Variants in NRTN observed in about 807,000 individuals in gnomAD.
NRTN encodes neurturin.
In NRTN, 3 loss-of-function variants were observed where a neutral mutation model predicts 7.5. The observed-to-expected ratio is 0.40, with a 90% CI of 0.18 to 1.03. The LOEUF (loss-of-function observed/expected upper bound fraction) is 1.03, where lower values mean the gene tolerates loss of function less well. Among genes scored for constraint, NRTN ranks in the 50% least tolerant of loss-of-function variants. The pLI, the probability that NRTN is intolerant of heterozygous loss-of-function variation, is 0.34. For missense variants in NRTN, 310 were observed against 307.0 expected, an observed-to-expected ratio of 1.01 and a Z score of -0.07; for synonymous variants, 157 against 146.6, an observed-to-expected ratio of 1.07 and a Z score of -0.51.
At chr19:5,808,122 C>T (rs1348946934) in intron 1 of NRTN, among the ~76,000 whole-genome samples, 1 of 152,102 alleles carries the variant, frequency 6.6e-6, no homozygotes, top group East Asian at 1.9e-4. Flanking sequence ...ACCTGTTTCC[C>T]GGGAAACTGA....
intron 1 of NRTN, among the ~76,000 whole-genome samples, chr19:5,822,334 G>A (rs939527281): frequency 3.9e-5 from 6 of 152,322 alleles, no homozygotes; most frequent in Non-Finnish European, 5.9e-5. Flanking sequence ...GTGCTGACCC[G>A]CATCCAGCCC....
intron 1 of NRTN, among the ~76,000 whole-genome samples, chr19:5,818,922 G>A (rs1160180626): frequency 2.0e-5 from 3 of 152,124 alleles, no homozygotes; most frequent in African/African-American, 7.2e-5. Context: ...AGCTCTAGGT[G>A]GGGAGAGTCT....
chr19:5,824,417 G>A, intron 2 of NRTN, 83 bp downstream of exon 2: 1 of 1,497,852 alleles, frequency 6.7e-7, no homozygotes, highest in Non-Finnish European at 9.0e-7. Flanking sequence ...GTGGTGGGGG[G>A]GTGTCATAGG....
At chr19:5,824,444 C>T in intron 2 of NRTN, 110 bp downstream of exon 2, 7 of 1,346,460 alleles carry the variant, frequency 5.2e-6, no homozygotes, top group Non-Finnish European at 6.2e-6. Context: ...AAAGATAGGG[C>T]CAGCCAGCCC....
At position 5,827,760 on chromosome 19, in the gene NRTN, C is replaced by A. The variant is rs865827704; in HGVS notation, c.181C>A (p.Leu61Met). Residue 61 changes from leucine to methionine, a missense_variant, in exon 3 of 3, where the codon CTG becomes ATG. Transcript: ENST00000303212. ...IARLAQYRAL[L>M]QGAPDAMELR... Reference sequence around the variant, plus strand: ...TCCTCCCCTCGCAGACCGTGCACTCCTGCAGGGGGCCCCGGATGCGATGGA... The same window carrying A: ...TCCTCCCCTCGCAGACCGTGCACTCATGCAGGGGGCCCCGGATGCGATGGA... 8 of 1,225,796 alleles carry A rather than the reference C, an allele frequency of 6.5e-6. No homozygotes were observed. The highest frequency in any genetic ancestry group is 8.2e-6 in the Non-Finnish European group (8 of 981,196). The allele number at this position is 1,225,796 out of a possible 1,614,324, so 75.9% of individuals were successfully genotyped here. A position where few individuals can be genotyped will look rare whatever the true frequency, so the allele number is the denominator to read the frequency against.
chr19:5,821,863 G>A (rs994836203), intron 1 of NRTN, among the ~76,000 whole-genome samples: 1 of 152,138 alleles, frequency 6.6e-6, no homozygotes, highest in Non-Finnish European at 1.5e-5. Flanking sequence ...TGAGTTCTCA[G>A]GGTGACTACA....
At chr19:5,809,050 C>T (rs374706669) in intron 1 of NRTN, among the ~76,000 whole-genome samples, 53 of 151,870 alleles carry the variant, frequency 3.5e-4, no homozygotes, top group Admixed American at 5.9e-4. Flanking sequence ...CCACTGCGCC[C>T]GTCCAATGGT....
At position 5,806,622 on chromosome 19, in the gene NRTN, C is replaced by T. The variant is rs116329135; in HGVS notation, c.-399+1171C>T. Among the ~76,000 whole-genome samples the T allele has an allele frequency of 1.9e-3, 285 of 152,228 alleles. 1 individual carries two copies. The highest frequency in any genetic ancestry group is 6.7e-3 in the African/African-American group (277 of 41,512). ...TTCTTGCCTTGGGGCCCTTTGGACA[C>T]CCCTCCCTCCTCCCTTCATCCTAAG... On this transcript the variant is annotated intron_variant, in intron 1 of 2. Coordinates refer to ENST00000303212, the MANE Select transcript of NRTN (RefSeq NM_004558.5). The surrounding 1 kb of genome is among the most constrained non-coding windows in gnomAD (Gnocchi z 5.4).
rs1293929412 is a variant in NRTN at position 5,805,201 on chromosome 19, C to A, written c.-649C>A. On this transcript the variant is annotated 5_prime_UTR_variant, in exon 1 of 3. Transcript: ENST00000303212. The stretch of plus-strand genomic sequence containing the variant: ...CCCCCGCGCCCCGCGCCCTCTGAGC[C>A]GCCGGCCGTCCAGGGCACCCACCCC... 6.8e-6 allele frequency among the ~76,000 whole-genome samples: 1 copy of A among 146,432 alleles called. No homozygotes were observed. Among genetic ancestry groups the A allele is most frequent in the Admixed American group, 6.8e-5 (1 of 14,748 alleles).
chr19:5,821,296 T>TA (rs2057023808), intron 1 of NRTN, among the ~76,000 whole-genome samples: 1 of 31,534 alleles, frequency 3.2e-5, no homozygotes, highest in African/African-American at 3.3e-4. Flanking sequence ...GTGCCTAGCT[T>TA]TTTTTTTTTT....
chr19:5,827,895 C>A lies in NRTN; in HGVS notation c.316C>A (p.Arg106Ser), dbSNP rs1391919514. 7.2e-7 allele frequency: 1 copy of A among 1,396,552 alleles called. No homozygotes were observed. The highest frequency in any genetic ancestry group is 9.3e-7 in the Non-Finnish European group (1 of 1,072,068). The allele number at this position is 1,396,552 out of a possible 1,614,324, so 86.5% of individuals were successfully genotyped here. ...ARLGARPCGLRELEVRVSELG... is the reference protein window; with the variant it reads ...ARLGARPCGLSELEVRVSELG... ...GTTGGGGGCGCGGCCTTGCGGGCTGCGCGAGCTGGAGGTGCGCGTGAGCGA... is the reference window on the plus strand; with the variant it reads ...GTTGGGGGCGCGGCCTTGCGGGCTGAGCGAGCTGGAGGTGCGCGTGAGCGA... Residue 106 changes from arginine (R) to serine (S), a missense_variant, in exon 3 of 3, where the codon CGC (arginine) becomes AGC (serine). Arg to Ser is a moderately radical substitution (Grantham distance 110). Transcript: ENST00000303212.
In NRTN at chr19:5,825,967, T is replaced by C. The variant is rs1408129398; in HGVS notation, c.169+1633T>C. ...GGCTAACACTGTGAAACCCTGTCTCTACTAAAATTACAAAAAAATTAGCCG... is the reference window on the plus strand; with the variant it reads ...GGCTAACACTGTGAAACCCTGTCTCCACTAAAATTACAAAAAAATTAGCCG... On this transcript the variant is annotated intron_variant, in intron 2 of 2. Transcript: ENST00000303212. Among the ~76,000 whole-genome samples, 4 of 152,242 alleles carry C rather than the reference T, an allele frequency of 2.6e-5. No homozygotes were observed. In the East Asian group the frequency reaches 7.7e-4, roughly 29 times the overall value.
At chr19:5,821,293 GCTTT>G (rs2057023677) in intron 1 of NRTN, among the ~76,000 whole-genome samples, 1 of 108,066 alleles carries the variant, frequency 9.3e-6, no homozygotes, top group African/African-American at 3.6e-5. Flanking sequence ...CCAGTGCCTA[GCTTT>G]TTTTTTTTTT....
chr19:5,815,445 T>G (rs1421872610), intron 1 of NRTN, among the ~76,000 whole-genome samples: 2 of 150,968 alleles, frequency 1.3e-5, no homozygotes, highest in Non-Finnish European at 3.0e-5. Flanking sequence ...TTTTTTTTTT[T>G]TTTGGAGACG....
Position 5,824,306 on chromosome 19 carries a change from G to T in NRTN, c.141G>T (p.Leu47=). 6.2e-7 allele frequency: 1 copy of T among 1,607,234 alleles called. No individual in the cohort carries two copies. The highest frequency in any genetic ancestry group is 8.5e-7 in the Non-Finnish European group (1 of 1,178,274). Residue 47 remains leucine, a synonymous_variant, in exon 2 of 3, where the codon CTG becomes CTT. Coordinates refer to ENST00000303212, the MANE Select transcript of NRTN (RefSeq NM_004558.5). ...LVPLHRLPRT[L]DARIARLAQY... ...CCCTGCACCGCCTGCCTCGAACCCT[G>T]GACGCCCGGATTGCCCGCCTGGCCC...
At chr19:5,825,129 G>A (rs2057041036) in intron 2 of NRTN, among the ~76,000 whole-genome samples, 1 of 152,058 alleles carries the variant, frequency 6.6e-6, no homozygotes, top group South Asian at 2.1e-4. Context: ...ATTCGAAGGG[G>A]TGAGGAGGGG....
intron 1 of NRTN, among the ~76,000 whole-genome samples, chr19:5,823,503 T>G (rs891856493): frequency 1.3e-5 from 2 of 152,172 alleles, no homozygotes; most frequent in Non-Finnish European, 2.9e-5. Flanking sequence ...GACCTATCTG[T>G]GCAAAAGCCC....
rs138240507 is a variant in NRTN at position 5,824,322 on chromosome 19, C to T, written c.157C>T (p.Arg53Cys). 10 of 1,602,958 alleles carry T rather than the reference C, an allele frequency of 6.2e-6. No individual in the cohort carries two copies. The African/African-American group carries it at 6.7e-5, about 11-fold the overall frequency. Residue 53 changes from arginine to cysteine, a missense_variant, in exon 2 of 3, where the codon CGC becomes TGC. Transcript: ENST00000303212. ...LPRTLDARIA[R>C]LAQYRALLQG... ...TCGAACCCTGGACGCCCGGATTGCC[C>T]GCCTGGCCCAGTGTAAGCTCCTCCT...
Position 5,821,294 on chromosome 19 carries a change from C to CTT in NRTN, c.-398-2447_-398-2446dup, listed in dbSNP as rs33932385. 2.8e-4 allele frequency among the ~76,000 whole-genome samples: 14 copies of CTT among 49,182 alleles called. 1 individual carries two copies. Among genetic ancestry groups the CTT allele is most frequent in the Admixed American group, 6.3e-4 (2 of 3,190 alleles). The allele number at this position is 49,182 out of a possible 152,430, so 32.3% of individuals were successfully genotyped here. A position where few individuals can be genotyped will look rare whatever the true frequency, so the allele number is the denominator to read the frequency against. ...AGGATCTGGGCCACCCAGTGCCTAG[C>CTT]TTTTTTTTTTTTTTTTTTTTTTTTT... On this transcript the variant is annotated intron_variant, in intron 1 of 2. Coordinates refer to ENST00000303212, the MANE Select transcript of NRTN (RefSeq NM_004558.5).
Sources: gnomAD v4.1 joint callset for allele counts (sites outside exome capture counted in the v4.1 genomes callset) on GRCh38, gnomAD v4.1.1 for gene constraint, Gnocchi (gnomAD v3.1) non-coding constraint, MANE v1.5 for transcripts, NCBI Gene and HGNC (gene_info 2026-07-23, HGNC 2026-07-21) for gene names.